The following CNTNAP2 variants were observed in gnomAD, a reference collection of about 807,000 sequenced individuals.
The protein encoded by CNTNAP2 is contactin associated protein 2, also known as contactin-associated protein-like 2.
A neutral mutation model predicts 155.2 loss-of-function variants in CNTNAP2; 98 were observed. That is an observed-to-expected ratio of 0.63 (90% CI 0.54 to 0.75). CNTNAP2 has a LOEUF of 0.75. CNTNAP2 is among the 30% of genes least tolerant of loss of function. CNTNAP2 has a pLI of 0.00. For missense variants in CNTNAP2, 1,727 were observed against 1,688.1 expected (o/e 1.02, Z -0.40); for synonymous variants, 651 against 631.2 (o/e 1.03, Z -0.47).
chr7:146,475,927 AT>A (rs560544964), intron 1 of CNTNAP2, among the ~76,000 whole-genome samples: 5 of 152,122 alleles, frequency 3.3e-5, no homozygotes, highest in African/African-American at 4.8e-5. Context: ...TAAATTTATG[AT>A]TTTTTATGTT....
chr7:147,831,412 AT>A (rs555888546), intron 13 of CNTNAP2, among the ~76,000 whole-genome samples: 55 of 152,174 alleles, frequency 3.6e-4, no homozygotes, highest in Non-Finnish European at 6.3e-4. Context: ...GTGACACATG[AT>A]TTTTTTCATT....
At chr7:146,877,151 CAAG>C (rs750024389) in intron 3 of CNTNAP2, among the ~76,000 whole-genome samples, 1 of 151,906 alleles carries the variant, frequency 6.6e-6, no homozygotes, top group Non-Finnish European at 1.5e-5. Context: ...CATTCAGAAA[CAAG>C]AACATACAAG....
intron 13 of CNTNAP2, among the ~76,000 whole-genome samples, chr7:147,853,553 T>A (rs1316367783): frequency 6.6e-6 from 1 of 152,206 alleles, no homozygotes; most frequent in East Asian, 1.9e-4. Flanking sequence ...AATTAGAAGC[T>A]CGATTATATA....
At chr7:147,217,200 G>A (rs1432694656) in intron 8 of CNTNAP2, among the ~76,000 whole-genome samples, 1 of 151,884 alleles carries the variant, frequency 6.6e-6, no homozygotes, top group Non-Finnish European at 1.5e-5. Flanking sequence ...GAAAATAAGT[G>A]GTAAGAGGAG....
chr7:147,545,625 C>T (rs1359246820), intron 11 of CNTNAP2, among the ~76,000 whole-genome samples: 2 of 152,148 alleles, frequency 1.3e-5, no homozygotes, highest in Non-Finnish European at 1.5e-5. Flanking sequence ...TGGGGCTGGG[C>T]AGTCTGTGAT....
intron 14 of CNTNAP2, among the ~76,000 whole-genome samples, chr7:147,948,851 T>A (rs1800868942): frequency 6.6e-6 from 1 of 152,056 alleles, no homozygotes; most frequent in African/African-American, 2.4e-5. Flanking sequence ...TTTTGTATGT[T>A]ATGTATATTA....
chr7:146,937,136 T>A (rs1408569128), intron 3 of CNTNAP2, among the ~76,000 whole-genome samples: 1 of 151,850 alleles, frequency 6.6e-6, no homozygotes, highest in African/African-American at 2.4e-5. Context: ...GCCTGTAATC[T>A]CAGCACTTTG....
intron 4 of CNTNAP2, among the ~76,000 whole-genome samples, chr7:147,099,238 C>A (rs1800607870): frequency 6.6e-6 from 1 of 152,044 alleles, no homozygotes; most frequent in Admixed American, 6.6e-5. Context: ...AGAGAGAAAG[C>A]TGGATAAAGG....
At chr7:147,890,379 G>T (rs1799669952) in intron 13 of CNTNAP2, among the ~76,000 whole-genome samples, 1 of 152,166 alleles carries the variant, frequency 6.6e-6, no homozygotes, top group Admixed American at 6.5e-5. Context: ...GGGAATTCTT[G>T]TACACTTTTG....
intron 3 of CNTNAP2, among the ~76,000 whole-genome samples, chr7:147,021,959 G>A (rs1011355481): frequency 5.3e-5 from 8 of 152,012 alleles, no homozygotes; most frequent in Non-Finnish European, 8.8e-5. Context: ...GTATGGCTAT[G>A]CAACCCTATT....
chr7:148,037,665 A>G (rs1802596267), intron 15 of CNTNAP2, among the ~76,000 whole-genome samples: 1 of 151,944 alleles, frequency 6.6e-6, no homozygotes, highest in Non-Finnish European at 1.5e-5. Flanking sequence ...AAAGAGAGAG[A>G]GAAGAACCAC....
At position 148,306,941 on chromosome 7, in the gene CNTNAP2, C is replaced by T. The variant is rs187675096; in HGVS notation, c.3475+39815C>T. 5.0e-3 allele frequency among the ~76,000 whole-genome samples: 768 copies of T among 152,260 alleles called. 4 individuals carry two copies. The highest frequency in any genetic ancestry group is 0.017 in the African/African-American group (721 of 41,566). ...GTGCACACAAATGGGGCCTGTCACCCGTGGGCTTCAGTGGCTGAGTTGTTT... is the reference window on the plus strand; with the variant it reads ...GTGCACACAAATGGGGCCTGTCACCTGTGGGCTTCAGTGGCTGAGTTGTTT... On this transcript the variant is annotated intron_variant, in intron 21 of 23. Transcript: ENST00000361727.
chr7:148,164,546 C>T (rs1345919250), intron 17 of CNTNAP2, among the ~76,000 whole-genome samples: 2 of 151,570 alleles, frequency 1.3e-5, no homozygotes, highest in East Asian at 3.9e-4. Context: ...AGTCCAGACA[C>T]AGCCCTCCAC....
In CNTNAP2 at chr7:148,081,819, G is replaced by T. The variant is rs933698921; in HGVS notation, c.2384-36299G>T. 4.2e-4 allele frequency among the ~76,000 whole-genome samples: 64 copies of T among 152,114 alleles called. 1 individual carries two copies. The highest frequency in any genetic ancestry group is 1.4e-3 in the African/African-American group (59 of 41,496). Reference sequence around the variant, plus strand: ...TCCCGAGCATATGATAAATGACAGTGATTTGGGAAGACTTCATGGCATGAA... The same window carrying T: ...TCCCGAGCATATGATAAATGACAGTTATTTGGGAAGACTTCATGGCATGAA... On this transcript the variant is annotated intron_variant, in intron 15 of 23. Coordinates refer to ENST00000361727, the MANE Select transcript of CNTNAP2 (RefSeq NM_014141.6).
rs180718948 is a variant in CNTNAP2 at position 146,313,006 on chromosome 7, C to G, written c.97+196033C>G. 7.9e-5 allele frequency among the ~76,000 whole-genome samples: 12 copies of G among 152,176 alleles called. No homozygotes were observed. The East Asian group carries it at 1.9e-3, about 24-fold the overall frequency. On this transcript the variant is annotated intron_variant, in intron 1 of 23. Coordinates refer to ENST00000361727, the MANE Select transcript of CNTNAP2 (RefSeq NM_014141.6). ...TCATATCTTGGCTATTGTGAATAAT[C>G]TAAAAGAAATCTGGGAATGCCGATA... is the stretch of plus-strand genomic sequence containing the variant.
intron 1 of CNTNAP2, among the ~76,000 whole-genome samples, chr7:146,417,266 G>A (rs546175245): frequency 6.6e-6 from 1 of 152,084 alleles, no homozygotes; most frequent in Non-Finnish European, 1.5e-5. Context: ...GAGACTTTAT[G>A]TCAGTTTTCT....
intron 10 of CNTNAP2, among the ~76,000 whole-genome samples, chr7:147,445,089 C>A (rs980893255): frequency 1.3e-5 from 2 of 152,144 alleles, no homozygotes; most frequent in African/African-American, 4.8e-5. Context: ...TCACCTCCCA[C>A]CACATCCCTC....
At chr7:147,866,761 G>T (rs79361971) in intron 13 of CNTNAP2, among the ~76,000 whole-genome samples, 170 of 149,314 alleles carry the variant, frequency 1.1e-3, no homozygotes, top group African/African-American at 3.4e-3. Flanking sequence ...TTTTTTTTTT[G>T]TTTTTTGTTG....
chr7:148,134,130 C>T (rs1222846550), intron 16 of CNTNAP2, among the ~76,000 whole-genome samples: 1 of 152,190 alleles, frequency 6.6e-6, no homozygotes, highest in Admixed American at 6.5e-5. Flanking sequence ...GGAAATTAGT[C>T]ATTTTGCTTG....
Sources: allele counts gnomAD v4.1 joint callset (sites outside exome capture counted in the v4.1 genomes callset), GRCh38; gene constraint gnomAD v4.1.1; transcripts MANE v1.5; gene names NCBI Gene and HGNC (gene_info 2026-07-23, HGNC 2026-07-21).